Variants in DNAJC3 observed in about 807,000 individuals in gnomAD.
The protein encoded by DNAJC3 is dnaJ homolog subfamily C member 3.
In DNAJC3, 38 loss-of-function variants were observed where a neutral mutation model predicts 68.6. That is an observed-to-expected ratio of 0.55 (90% CI 0.43 to 0.73). The LOEUF (loss-of-function observed/expected upper bound fraction) is 0.73, where lower values mean the gene tolerates loss of function less well. Among genes scored for constraint, DNAJC3 ranks in the 30% least tolerant of loss-of-function variants. The pLI is 0.00. For missense variants in DNAJC3, 526 were observed against 591.9 expected (o/e 0.89, Z 1.16); for synonymous variants, 203 against 204.0 (o/e 1.00, Z 0.04).
chr13:95,734,778 A>G (rs984646560), intron 4 of DNAJC3, among the ~76,000 whole-genome samples: 12 of 147,344 alleles, frequency 8.1e-5, no homozygotes, highest in Non-Finnish European at 1.5e-4. Flanking sequence ...AAGTTCTGAA[A>G]TTGTTTGTTC....
intron 1 of DNAJC3, among the ~76,000 whole-genome samples, chr13:95,685,471 G>T (rs1016710253): frequency 6.6e-6 from 1 of 152,216 alleles, no homozygotes; most frequent in Non-Finnish European, 1.5e-5. Flanking sequence ...AAGGGACTTG[G>T]CTTGTCCCAG....
At chr13:95,701,806 G>T (rs1328420966) in intron 1 of DNAJC3, among the ~76,000 whole-genome samples, 1 of 152,184 alleles carries the variant, frequency 6.6e-6, no homozygotes. Context: ...TTTTAACTGT[G>T]TTAGGTGCTT....
intron 9 of DNAJC3, among the ~76,000 whole-genome samples, chr13:95,776,343 C>T (rs571019963): frequency 7.7e-4 from 117 of 152,182 alleles, no homozygotes; most frequent in Non-Finnish European, 1.5e-3. Context: ...TAGAAGTTTT[C>T]TTTTTTCAGT....
At chr13:95,764,367 CTCTCTCTCTA>C (rs1285281916) in intron 9 of DNAJC3, among the ~76,000 whole-genome samples, 15 of 140,286 alleles carry the variant, frequency 1.1e-4, no homozygotes, top group African/African-American at 3.9e-4. Flanking sequence ...CTCTCTCTCT[CTCTCTCTCTA>C]TATATATATA....
intron 9 of DNAJC3, among the ~76,000 whole-genome samples, chr13:95,778,317 C>T (rs1883343362): frequency 6.6e-6 from 1 of 152,214 alleles, no homozygotes; most frequent in Non-Finnish European, 1.5e-5. Context: ...AAAGGCTGAA[C>T]ACCAAAGCAG....
chr13:95,729,180 ATT>A (rs1491542484), intron 4 of DNAJC3, among the ~76,000 whole-genome samples: 4 of 116,866 alleles, frequency 3.4e-5, no homozygotes, highest in Non-Finnish European at 3.7e-5. Context: ...TCATTCACTC[ATT>A]CTCTCTCTCT....
chr13:95,683,517 G>A (rs1244344839), intron 1 of DNAJC3, among the ~76,000 whole-genome samples: 1 of 152,178 alleles, frequency 6.6e-6, no homozygotes, highest in African/African-American at 2.4e-5. Context: ...ATGTGAAGAT[G>A]TGCCTACTTC....
intron 4 of DNAJC3, among the ~76,000 whole-genome samples, chr13:95,735,149 C>G (rs1195776963): frequency 6.7e-6 from 1 of 148,736 alleles, no homozygotes; most frequent in Admixed American, 6.7e-5. Context: ...AGGACATGAA[C>G]TCATCATTGT....
Position 95,722,829 on chromosome 13 carries a change from C to G in DNAJC3, c.194-413C>G, listed in dbSNP as rs1331169749. ...ACACCTTGTCCGCCCCCCCCCCCCC[C>G]CCCCCCCCCCGCCGAAAAAGGTTAT... is the stretch of plus-strand genomic sequence containing the variant. On this transcript the variant is annotated intron_variant, in intron 2 of 11. Transcript: ENST00000602402. 1.0e-4 allele frequency among the ~76,000 whole-genome samples: 4 copies of G among 38,586 alleles called. 1 individual carries two copies. Among genetic ancestry groups the G allele is most frequent in the East Asian group, 2.0e-3 (2 of 980 alleles). 25.3% of individuals were successfully genotyped at this position (38,586 alleles called of 152,430 possible). A position where few individuals can be genotyped will look rare whatever the true frequency, so the allele number is the denominator to read the frequency against.
intron 1 of DNAJC3, among the ~76,000 whole-genome samples, chr13:95,707,536 C>T (rs1188657655): frequency 6.6e-6 from 1 of 152,130 alleles, no homozygotes; most frequent in Non-Finnish European, 1.5e-5. Context: ...GAACTTAGCA[C>T]TGCACTGAAG....
rs1159756762 is a variant in DNAJC3 at position 95,791,628 on chromosome 13, C to CAAAT, written c.*601_*604dup. The CAAAT allele has an allele frequency of 6.6e-6, 1 of 152,456 alleles. No homozygotes were observed. The highest frequency in any genetic ancestry group is 1.9e-4 in the East Asian group (1 of 5,194). 9.4% of individuals were successfully genotyped at this position (152,456 alleles called of 1,614,324 possible). ...GACCATCTTTTAGGAACCCTGCCACCAAATAATAATATATCCAGGCTTAGA... is the reference window on the plus strand; with the variant it reads ...GACCATCTTTTAGGAACCCTGCCACCAAATAAATAATAATATATCCAGGCTTAGA... On this transcript the variant is annotated 3_prime_UTR_variant, in exon 12 of 12. Transcript: ENST00000602402.
At chr13:95,711,648 C>T (rs896085285) in intron 2 of DNAJC3, among the ~76,000 whole-genome samples, 1 of 152,150 alleles carries the variant, frequency 6.6e-6, no homozygotes, top group Non-Finnish European at 1.5e-5. Context: ...AAAGGATTCA[C>T]TCTACCAGAA....
At chr13:95,696,664 A>G (rs1013137437) in intron 1 of DNAJC3, among the ~76,000 whole-genome samples, 1 of 151,738 alleles carries the variant, frequency 6.6e-6, no homozygotes, top group African/African-American at 2.4e-5. Context: ...TGCATGATAC[A>G]TCTTTTGTTA....
chr13:95,749,418 C>G (rs944374904), intron 4 of DNAJC3, among the ~76,000 whole-genome samples: 5 of 151,966 alleles, frequency 3.3e-5, no homozygotes, highest in African/African-American at 1.2e-4. Context: ...AGATATGGGC[C>G]AAAGGGAAAG....
intron 1 of DNAJC3, among the ~76,000 whole-genome samples, chr13:95,691,127 G>A (rs1317198783): frequency 1.4e-5 from 2 of 147,964 alleles, no homozygotes; most frequent in Non-Finnish European, 3.0e-5. Context: ...AGACGGAGCG[G>A]CTGGCCGGGC....
rs1365301450 is a variant in DNAJC3, at chr13:95,709,240, A to G, written c.96A>G (p.Gly32=). 1.9e-6 allele frequency: 3 copies of G among 1,563,686 alleles called. No homozygotes were observed. Among genetic ancestry groups the G allele is most frequent in the African/African-American group, 2.7e-5 (2 of 73,324 alleles). Residue 32 remains glycine, a synonymous_variant, in exon 2 of 12, where the codon GGA becomes GGG. Coordinates refer to ENST00000602402, the MANE Select transcript of DNAJC3 (RefSeq NM_006260.5). ...TTTTATTTTTAGGTGCTGAATGTGG[A>G]GTAAATGCAGATGTTGAGAAACATC... The part of the protein sequence containing the change: ...VDLQYEGAEC[G]VNADVEKHLE...
At chr13:95,705,146 C>T (rs763807391) in intron 1 of DNAJC3, among the ~76,000 whole-genome samples, 2 of 152,144 alleles carry the variant, frequency 1.3e-5, no homozygotes, top group Non-Finnish European at 2.9e-5. Flanking sequence ...GCCACCGCAC[C>T]TGGCCTAATC....
At chr13:95,710,519 C>T (rs745947891) in intron 2 of DNAJC3, among the ~76,000 whole-genome samples, 78 of 152,284 alleles carry the variant, frequency 5.1e-4, no homozygotes, top group Non-Finnish European at 9.1e-4. Flanking sequence ...GCATGAGCCA[C>T]CACATCTGGC....
chr13:95,709,189 G>C (rs776108139), intron 1 of DNAJC3, 38 bp from the exon 2 acceptor site: 1 of 1,391,536 alleles, frequency 7.2e-7, no homozygotes, highest in Non-Finnish European at 9.7e-7. Context: ...ATCTTAGTTC[G>C]TGGAAAGTTA....
Sources: gnomAD v4.1 joint callset for allele counts (sites outside exome capture counted in the v4.1 genomes callset) on GRCh38, gnomAD v4.1.1 for gene constraint, MANE v1.5 for transcripts, NCBI Gene and HGNC (gene_info 2026-07-23, HGNC 2026-07-21) for gene names.